HDAC2: variants seen among roughly 807,000 people sequenced by gnomAD.
HDAC2 encodes the protein histone deacetylase 2.
HDAC2 carries 5 observed loss-of-function variants against 68.5 expected under a neutral mutation model. The observed-to-expected ratio is 0.07, with a 90% CI of 0.04 to 0.15. The LOEUF (loss-of-function observed/expected upper bound fraction) is 0.15. Ranked by LOEUF, HDAC2 falls within the 10% of genes least tolerant of loss-of-function variation. The pLI is 1.00. For synonymous variants in HDAC2, 182 were observed against 191.3 expected, an observed-to-expected ratio of 0.95 and a Z score of 0.40; for missense variants, 291 against 600.8, an observed-to-expected ratio of 0.48 and a Z score of 5.39.
intron 1 of HDAC2, among the ~76,000 whole-genome samples, chr6:113,961,948 C>A (rs1328689433): frequency 6.6e-6 from 1 of 151,898 alleles, no homozygotes; most frequent in African/African-American, 2.4e-5. Context: ...TAACAATTAC[C>A]CAAATGAAAT....
chr6:113,947,953 AC>A (rs1280177375), intron 8 of HDAC2: 9 of 152,186 alleles, frequency 5.9e-5, no homozygotes, highest in Non-Finnish European at 1.2e-4. Context: ...TCAACTTGCT[AC>A]CTAAAAGTTC....
intron 8 of HDAC2, 120 bp from the exon 9 acceptor site, chr6:113,946,268 TA>T: frequency 1.5e-6 from 1 of 679,578 alleles, no homozygotes; most frequent in South Asian, 2.4e-5. Context: ...CTAAATATTT[TA>T]AAAACAAATA....
intron 8 of HDAC2, 70 bp downstream of exon 8, chr6:113,948,908 CT>C (rs1486030802): frequency 5.8e-6 from 9 of 1,552,632 alleles, no homozygotes; most frequent in Non-Finnish European, 7.8e-6. Context: ...ACAATGAGAA[CT>C]TTTACGGGGA....
intron 2 of HDAC2, chr6:113,959,680 C>A: frequency 3.4e-6 from 1 of 297,304 alleles, no homozygotes; most frequent in Non-Finnish European, 6.1e-6. Flanking sequence ...CCATGAAAGC[C>A]TAGGGTAGGG....
At position 113,933,744 on chromosome 6, in the gene HDAC2, ATTCT is replaced by A. The variant is rs750037145; in HGVS notation, c.*7310_*7313del. ...GAATGGTGGCTGCTCCTTGTCTGAC[ATTCT>A]TTGTGTGTGTGTATGTATATTATAT... On this transcript the variant is annotated 3_prime_UTR_variant, in exon 14 of 14. Coordinates refer to ENST00000519065, the MANE Select transcript of HDAC2 (RefSeq NM_001527.4). 5 of 150,372 alleles carry A rather than the reference ATTCT, an allele frequency of 3.3e-5. No homozygotes were observed. The highest frequency in any genetic ancestry group is 6.7e-5 in the Admixed American group (1 of 14,920). 9.3% of individuals were successfully genotyped at this position (150,372 alleles called of 1,614,324 possible).
In HDAC2 at chr6:113,951,259, G is replaced by A. The variant is rs118147570; in HGVS notation, c.640-1999C>T. Among the ~76,000 whole-genome samples the A allele has an allele frequency of 2.0e-5, 3 of 152,246 alleles. No homozygotes were observed. The East Asian group carries it at 5.8e-4, about 29-fold the overall frequency. ...CAGTTTCAACAATGAGCTAAACTCA[G>A]AGTAGCCTTCTTTTCAGCATGAGAA... is the stretch of plus-strand genomic sequence containing the variant. On this transcript the variant is annotated intron_variant, in intron 6 of 13. Transcript: ENST00000519065.
At chr6:113,969,875 A>C (rs986684412) in intron 1 of HDAC2, 5 of 152,256 alleles carry the variant, frequency 3.3e-5, no homozygotes, top group Non-Finnish European at 5.9e-5. Flanking sequence ...CCACCTAGGA[A>C]CAGCCTTTGC....
At chr6:113,942,766 T>C (rs927302876) in intron 12 of HDAC2, among the ~76,000 whole-genome samples, 4 of 152,172 alleles carry the variant, frequency 2.6e-5, no homozygotes, top group South Asian at 2.1e-4. Context: ...CAGATTCCGG[T>C]AGCAAATTCA....
chr6:113,937,386 G>A lies in HDAC2; in HGVS notation c.*3672C>T, dbSNP rs1032017846. ...AGCTCTGGTAGAAGGGCAAAGCTTA[G>A]ATATGATGTAACTAGCTTAGAGTAC... On this transcript the variant is annotated 3_prime_UTR_variant, in exon 14 of 14. Coordinates refer to ENST00000519065, the MANE Select transcript of HDAC2 (RefSeq NM_001527.4). 3 of 152,194 alleles carry A rather than the reference G, an allele frequency of 2.0e-5. No homozygotes were observed. The highest frequency in any genetic ancestry group is 4.1e-4 in the South Asian group (2 of 4,832). The allele number at this position is 152,194 out of a possible 1,614,324, so 9.4% of individuals were successfully genotyped here.
intron 6 of HDAC2, among the ~76,000 whole-genome samples, chr6:113,951,053 C>T (rs1295835171): frequency 6.6e-6 from 1 of 152,144 alleles, no homozygotes; most frequent in Non-Finnish European, 1.5e-5. Context: ...TATATTTTGA[C>T]CCTAAGATTT....
In HDAC2 at chr6:113,944,343, C is replaced by G; in HGVS notation, c.1159G>C (p.Glu387Gln). ...CCACTGTCTTCATGAACAGCATCTT[C>G]TGGAATAGCTTGCATCTGGACACCA... ...APGVQMQAIPEDAVHEDSGDE... is the reference protein window; with the variant it reads ...APGVQMQAIPQDAVHEDSGDE... Residue 387 changes from glutamate (E) to glutamine (Q), a missense_variant, in exon 11 of 14, where the codon GAA becomes CAA. Physicochemically the swap from Glu to Gln is conservative, Grantham distance 29. This residue lies in a region of HDAC2 where 137 missense variants were observed against 128.7 expected (regional missense o/e 1.06). Coordinates refer to ENST00000519065, the MANE Select transcript of HDAC2 (RefSeq NM_001527.4). The G allele has an allele frequency of 6.2e-7, 1 of 1,613,076 alleles. No homozygotes were observed. Among genetic ancestry groups the G allele is most frequent in the Non-Finnish European group, 8.5e-7 (1 of 1,179,070 alleles).
chr6:113,960,973 A>G (rs1352017052), intron 1 of HDAC2, among the ~76,000 whole-genome samples: 1 of 152,106 alleles, frequency 6.6e-6, no homozygotes. Context: ...TGTATTAGGT[A>G]TTATGAGTAA....
intron 2 of HDAC2, among the ~76,000 whole-genome samples, chr6:113,959,164 C>T (rs980079825): frequency 1.3e-5 from 2 of 152,046 alleles, no homozygotes; most frequent in Admixed American, 1.3e-4. Context: ...CACGACCTCT[C>T]GTCCTTTTTT....
intron 4 of HDAC2, 172 bp from the exon 5 acceptor site, chr6:113,956,323 C>T: frequency 1.7e-6 from 1 of 588,818 alleles, no homozygotes; most frequent in Non-Finnish European, 2.9e-6. Context: ...AAATATTCTC[C>T]TAGAGCTGCA....
rs1466316409 is a variant in HDAC2 at position 113,943,405 on chromosome 6, C to A, written c.1324G>T (p.Ala442Ser). 4 of 1,610,216 alleles carry A rather than the reference C, an allele frequency of 2.5e-6. No individual in the cohort carries two copies. In the African/African-American group the frequency reaches 5.3e-5, roughly 22 times the overall value. The stretch of plus-strand genomic sequence containing the variant: ...TCTTCTTCAATTCTAGCTTTCTTTG[C>A]TCCTTTCTTATGATCAGCCACATTT... ...RRNVADHKKG[A>S]KKARIEEDKK... The change falls in exon 12 of 14, where the codon GCA becomes TCA. Residue 442 changes from alanine to serine, a missense_variant. Around this residue, in one of 2 missense-constraint regions of HDAC2, gnomAD observed 137 missense variants for 128.7 expected, o/e 1.06. Coordinates refer to ENST00000519065, the MANE Select transcript of HDAC2 (RefSeq NM_001527.4).
chr6:113,933,958 ACT>A lies in HDAC2; in HGVS notation c.*7098_*7099del, dbSNP rs1228640130. 6.6e-6 allele frequency: 1 copy of A among 151,420 alleles called. No homozygotes were observed. Among genetic ancestry groups the A allele is most frequent in the African/African-American group, 2.4e-5 (1 of 41,134 alleles). The allele number at this position is 151,420 out of a possible 1,614,324, so 9.4% of individuals were successfully genotyped here. A position where few individuals can be genotyped will look rare whatever the true frequency, so the allele number is the denominator to read the frequency against. ...CCTGACTGAACGCTGATGCAGGGAA[ACT>A]CTGGTCTCTGACTTTGATTTTTTTT... On this transcript the variant is annotated 3_prime_UTR_variant, in exon 14 of 14. Transcript: ENST00000519065.
intron 6 of HDAC2, 132 bp downstream of exon 6, chr6:113,953,145 C>A: frequency 1.6e-6 from 1 of 640,546 alleles, no homozygotes; most frequent in South Asian, 2.6e-5. Flanking sequence ...AATGTTACTG[C>A]ATACGTAGTA....
At chr6:113,959,654 G>C (rs1285428685) in intron 2 of HDAC2, 1 of 238,368 alleles carries the variant, frequency 4.2e-6, no homozygotes, top group Non-Finnish European at 7.9e-6. Context: ...TTGCTATACT[G>C]AGTTGTTCTC....
At position 113,939,718 on chromosome 6, in the gene HDAC2, C is replaced by T. The variant is rs1029020581; in HGVS notation, c.*1340G>A. ...GGAGGATTACAAACGACAAAGTACA[C>T]AAAGAGAGCTTCAATTTCGGTGTAT... On this transcript the variant is annotated 3_prime_UTR_variant, in exon 14 of 14. Coordinates refer to ENST00000519065, the MANE Select transcript of HDAC2 (RefSeq NM_001527.4). 7 of 151,896 alleles carry T rather than the reference C, an allele frequency of 4.6e-5. No individual in the cohort carries two copies. The highest frequency in any genetic ancestry group is 1.7e-4 in the African/African-American group (7 of 41,334). The allele number at this position is 151,896 out of a possible 1,614,324, so 9.4% of individuals were successfully genotyped here.
Sources: gnomAD v4.1 joint callset for allele counts (sites outside exome capture counted in the v4.1 genomes callset) on GRCh38, gnomAD v4.1.1 for gene constraint, gnomAD v4.1.1 regional missense constraint, MANE v1.5 for transcripts, NCBI Gene and HGNC (gene_info 2026-07-23, HGNC 2026-07-21) for gene names.